The following DAAM2 variants were observed in gnomAD, a reference collection of about 807,000 sequenced individuals.
DAAM2 encodes the protein dishevelled associated activator of morphogenesis 2, also known as disheveled-associated activator of morphogenesis 2.
DAAM2 carries 39 observed loss-of-function variants against 120.7 expected under a neutral mutation model. That is an observed-to-expected ratio of 0.32 (90% CI 0.25 to 0.42). The LOEUF is 0.42. DAAM2 is among the 10% of genes least tolerant of loss of function. The pLI, the probability that DAAM2 is intolerant of heterozygous loss-of-function variation, is 1.00. For synonymous variants in DAAM2, 488 were observed against 524.9 expected, an observed-to-expected ratio of 0.93 and a Z score of 0.96; for missense variants, 1,283 against 1,401.7, an observed-to-expected ratio of 0.92 and a Z score of 1.35.
chr6:39,817,432 G>A (rs181886648), intron 1 of DAAM2, among the ~76,000 whole-genome samples: 105 of 152,258 alleles, frequency 6.9e-4, no homozygotes, highest in Non-Finnish European at 1.2e-3. Flanking sequence ...GTCTCTGCTT[G>A]TTTTAGTCCC....
At chr6:39,888,651 C>G (rs913458042) in intron 16 of DAAM2, 28 bp from the exon 17 acceptor site, 11 of 1,608,710 alleles carry the variant, frequency 6.8e-6, no homozygotes, top group Non-Finnish European at 7.7e-6. Flanking sequence ...TGAGGGCTGT[C>G]CTGGATTGAG....
intron 1 of DAAM2, among the ~76,000 whole-genome samples, chr6:39,796,505 G>A (rs1398654105): frequency 6.6e-6 from 1 of 151,632 alleles, no homozygotes; most frequent in Non-Finnish European, 1.5e-5. Flanking sequence ...GCTGTGGGGG[G>A]AGGAAGTAAG....
rs778576748 is a variant in DAAM2, at chr6:39,864,983, C to A, written c.337C>A (p.Gln113Lys). 36 of 1,601,516 alleles carry A rather than the reference C, an allele frequency of 2.2e-5. No individual in the cohort carries two copies. The highest frequency in any genetic ancestry group is 2.9e-5 in the Non-Finnish European group (34 of 1,174,396). Residue 113 changes from glutamine to lysine, a missense_variant, in exon 5 of 25, where the codon CAG (glutamine) becomes AAG (lysine). Physicochemically the swap from Gln to Lys is moderately conservative, Grantham distance 53. This residue lies in a region of DAAM2 where 197 missense variants were observed against 189.3 expected (regional missense o/e 1.04). Coordinates refer to ENST00000274867, the MANE Select transcript of DAAM2 (RefSeq NM_001201427.2). Reference protein sequence around the residue: ...IDRINSMAAMQSLYAFDEEET... With the variant: ...IDRINSMAAMKSLYAFDEEET... Reference sequence around the variant, plus strand: ...CTTTCTACCTGCTGGCCCTCAGATGCAGAGTCTGTACGCGTTTGATGAGGA... The same window carrying A: ...CTTTCTACCTGCTGGCCCTCAGATGAAGAGTCTGTACGCGTTTGATGAGGA...
At chr6:39,833,647 C>T (rs1016850835) in intron 1 of DAAM2, among the ~76,000 whole-genome samples, 26 of 152,138 alleles carry the variant, frequency 1.7e-4, no homozygotes, top group African/African-American at 6.3e-4. Context: ...CTAGAGGAGA[C>T]ATCATTACCT....
In DAAM2 at chr6:39,902,317, G is replaced by A. The variant is rs993466416; in HGVS notation, c.*280G>A. 3.1e-6 allele frequency: 1 copy of A among 322,248 alleles called. No individual in the cohort carries two copies. Among genetic ancestry groups the A allele is most frequent in the Non-Finnish European group, 5.7e-6 (1 of 176,952 alleles). The allele number at this position is 322,248 out of a possible 1,614,324, so 20.0% of individuals were successfully genotyped here. ...TCAGGCCAGGTAACCCCAGGCTGAA[G>A]GGGCCCTGCTCCCCATCCCCTACCA... On this transcript the variant is annotated 3_prime_UTR_variant, in exon 25 of 25. Coordinates refer to ENST00000274867, the MANE Select transcript of DAAM2 (RefSeq NM_001201427.2).
chr6:39,815,047 C>T (rs1423432289), intron 1 of DAAM2, among the ~76,000 whole-genome samples: 1 of 152,206 alleles, frequency 6.6e-6, no homozygotes, highest in Non-Finnish European at 1.5e-5. Flanking sequence ...GGACCTTAGA[C>T]CAGCAGTATC....
intron 1 of DAAM2, among the ~76,000 whole-genome samples, chr6:39,812,467 GACCCGTGCTTTCTGT>G (rs1335217592): frequency 1.3e-5 from 2 of 152,136 alleles, no homozygotes; most frequent in Non-Finnish European, 2.9e-5. Context: ...CTGACCCTAA[GACCCGTGCTTTCTGT>G]ACCGTACCCC....
chr6:39,900,282 C>G, intron 23 of DAAM2, 74 bp downstream of exon 23: 1 of 1,542,328 alleles, frequency 6.5e-7, no homozygotes, highest in East Asian at 2.4e-5. Flanking sequence ...ATTCCTACCA[C>G]AGACAGCCCA....
intron 1 of DAAM2, among the ~76,000 whole-genome samples, chr6:39,827,280 C>T (rs1016093777): frequency 3.3e-5 from 5 of 152,078 alleles, no homozygotes; most frequent in Admixed American, 6.5e-5. Flanking sequence ...GCCTGTAAAG[C>T]GGTCTTTAAA....
At chr6:39,890,093 A>G (rs2149354809) in intron 17 of DAAM2, among the ~76,000 whole-genome samples, 1 of 151,962 alleles carries the variant, frequency 6.6e-6, no homozygotes, top group African/African-American at 2.4e-5. Context: ...GTGCCATTGC[A>G]CTCCAGCCTG....
chr6:39,868,810 C>T lies in DAAM2; in HGVS notation c.763-13C>T. On this transcript the variant is annotated splice_polypyrimidine_tract_variant and intron_variant, in intron 6 of 24. Coordinates refer to ENST00000274867, the MANE Select transcript of DAAM2 (RefSeq NM_001201427.2). ...AGCCCTCTCCTCCTGCTCTGTCCTG[C>T]ATTTCCACCTAGACCCTGCTGAACG... 1 of 1,561,666 alleles carries T rather than the reference C, an allele frequency of 6.4e-7. No homozygotes were observed. The highest frequency in any genetic ancestry group is 2.4e-5 in the East Asian group (1 of 41,834).
chr6:39,839,060 T>C (rs1763220988), intron 1 of DAAM2, among the ~76,000 whole-genome samples: 1 of 152,160 alleles, frequency 6.6e-6, no homozygotes, highest in African/African-American at 2.4e-5. Flanking sequence ...ATTGTTTTAA[T>C]TGGTTCAGGT....
intron 15 of DAAM2, chr6:39,886,721 G>C: frequency 2.8e-6 from 1 of 360,458 alleles, no homozygotes; most frequent in Non-Finnish European, 4.9e-6. Context: ...GGCCAAAGGA[G>C]AGCCTTTCCT....
chr6:39,825,935 T>C lies in DAAM2; in HGVS notation c.-56-30312T>C, dbSNP rs34471143. Among the ~76,000 whole-genome samples, 176 of 152,338 alleles carry C rather than the reference T, an allele frequency of 1.2e-3. 1 individual carries two copies. The highest frequency in any genetic ancestry group is 0.01 in the Middle Eastern group (3 of 294). On this transcript the variant is annotated intron_variant, in intron 1 of 24. Transcript: ENST00000274867. ...GGCCCAGCACACATTATTTGGGCTT[T>C]GTGAATCTCTTAATTTCTAATGGGA...
intron 1 of DAAM2, among the ~76,000 whole-genome samples, chr6:39,814,507 G>C (rs764803121): frequency 6.6e-6 from 1 of 152,210 alleles, no homozygotes; most frequent in Non-Finnish European, 1.5e-5. Flanking sequence ...CTGATTTTCT[G>C]TTTTACAGAT....
In DAAM2 at chr6:39,904,123, A is replaced by G. The variant is rs988050076; in HGVS notation, c.*2086A>G. The G allele has an allele frequency of 1.3e-5, 6 of 449,560 alleles. No homozygotes were observed. Among genetic ancestry groups the G allele is most frequent in the Non-Finnish European group, 2.7e-5 (6 of 223,494 alleles). The allele number at this position is 449,560 out of a possible 1,614,324, so 27.8% of individuals were successfully genotyped here. On this transcript the variant is annotated 3_prime_UTR_variant, in exon 25 of 25. Transcript: ENST00000274867. ...AGCGTGTCTGGCATTCCCACCCACC[A>G]TGGAAGACTGGATACGCACCTGGAA...
At chr6:39,841,317 G>A (rs1240471384) in intron 1 of DAAM2, among the ~76,000 whole-genome samples, 4 of 134,302 alleles carry the variant, frequency 3.0e-5, no homozygotes, top group Admixed American at 2.2e-4. Context: ...GGTTGGGGAG[G>A]GGCTTCTAGG....
chr6:39,835,545 G>A (rs1019401221), intron 1 of DAAM2, among the ~76,000 whole-genome samples: 1 of 152,110 alleles, frequency 6.6e-6, no homozygotes, highest in Non-Finnish European at 1.5e-5. Flanking sequence ...GTCTTTTTTC[G>A]TATTGGTGCC....
In DAAM2 at chr6:39,878,286, T is replaced by A; in HGVS notation, c.1360+25T>A. ...GGTGAGGGGCTCTGCTTAAGCCTGCTGTCCACTCCACATGCCCTTCCCCTG... is the reference window on the plus strand; with the variant it reads ...GGTGAGGGGCTCTGCTTAAGCCTGCAGTCCACTCCACATGCCCTTCCCCTG... On this transcript the variant is annotated intron_variant, in intron 12 of 24. Transcript: ENST00000274867. The surrounding 1 kb of genome is among the most constrained non-coding windows in gnomAD (Gnocchi z 5.0). The A allele has an allele frequency of 6.2e-7, 1 of 1,613,742 alleles. No homozygotes were observed. Among genetic ancestry groups the A allele is most frequent in the Non-Finnish European group, 8.5e-7 (1 of 1,179,724 alleles).
Sources: allele counts gnomAD v4.1 joint callset (sites outside exome capture counted in the v4.1 genomes callset), GRCh38; gene constraint gnomAD v4.1.1; regional missense constraint gnomAD v4.1.1; non-coding constraint Gnocchi (gnomAD v3.1); transcripts MANE v1.5; gene names NCBI Gene and HGNC (gene_info 2026-07-23, HGNC 2026-07-21).